TNRC18: variants seen among roughly 807,000 people sequenced by gnomAD.
TNRC18 encodes the protein trinucleotide repeat containing 18, also known as trinucleotide repeat-containing gene 18 protein.
In TNRC18, 69 loss-of-function variants were observed where a neutral mutation model predicts 226.7. The ratio of observed to expected loss-of-function variants is 0.30; its 90% CI spans 0.25 to 0.37. The LOEUF (loss-of-function observed/expected upper bound fraction) is 0.37, where lower values mean the gene tolerates loss of function less well. Among genes scored for constraint, TNRC18 ranks in the 10% least tolerant of loss-of-function variants. The probability of loss-of-function intolerance (pLI) is 1.00; values close to 1 mark genes in which losing one functional copy is unlikely to be tolerated. For missense variants in TNRC18, 4,754 were observed against 4,256.6 expected (o/e 1.12, Z -3.25); for synonymous variants, 2,449 against 1,927.6 (o/e 1.27, Z -7.09).
intron 11 of TNRC18, among the ~76,000 whole-genome samples, chr7:5,363,505 G>A (rs1793290214): frequency 6.6e-6 from 1 of 152,114 alleles, no homozygotes; most frequent in Non-Finnish European, 1.5e-5. Context: ...TCGGGAGGCT[G>A]AAGCAGGAGA....
At chr7:5,408,286 A>G (rs1781611123) in intron 2 of TNRC18, among the ~76,000 whole-genome samples, 1 of 145,320 alleles carries the variant, frequency 6.9e-6, no homozygotes, top group African/African-American at 2.6e-5. Flanking sequence ...CGACAGAACA[A>G]GACTTCCGTC....
intron 2 of TNRC18, among the ~76,000 whole-genome samples, chr7:5,413,715 A>C (rs892365549): frequency 1.3e-5 from 2 of 152,078 alleles, no homozygotes; most frequent in Non-Finnish European, 2.9e-5. Flanking sequence ...AACATTTTGT[A>C]AAGACAAGGT....
Position 5,355,414 on chromosome 7 carries a change from TC to T in TNRC18, c.5194+1501del. Among the ~76,000 whole-genome samples the T allele has an allele frequency of 1.3e-5, 2 of 151,922 alleles. 1 individual carries two copies. The highest frequency in any genetic ancestry group is 4.2e-4 in the South Asian group (2 of 4,804). ...AGGCTGAGGCAGGAGGATCTCTTGATCCCAGGAGTTTAAGACCAGCATGGGC... is the reference window on the plus strand; with the variant it reads ...AGGCTGAGGCAGGAGGATCTCTTGATCCAGGAGTTTAAGACCAGCATGGGC... On this transcript the variant is annotated intron_variant, in intron 16 of 29. Coordinates refer to ENST00000430969, the MANE Select transcript of TNRC18 (RefSeq NM_001080495.3).
In TNRC18 at chr7:5,370,909, G is replaced by A. The variant is rs773129880; in HGVS notation, c.3685C>T (p.Arg1229Trp). ...CPDFVEGPEP[R>W]VDSPGRTEPC... ...TCTGTCCGGCCCGGGGAATCCACCC[G>A]TGGTTCAGGCCCCTCCACAAAGTCT... The change falls in exon 11 of 30, where the codon CGG (arginine) becomes TGG (tryptophan). Residue 1229 changes from arginine (R) to tryptophan (W), a missense_variant. Arg to Trp is a moderately radical substitution (Grantham distance 101). Coordinates refer to ENST00000430969, the MANE Select transcript of TNRC18 (RefSeq NM_001080495.3). 29 of 1,605,668 alleles carry A rather than the reference G, an allele frequency of 1.8e-5. No individual in the cohort carries two copies. Among genetic ancestry groups the A allele is most frequent in the Admixed American group, 1.3e-4 (8 of 59,994 alleles).
intron 2 of TNRC18, among the ~76,000 whole-genome samples, chr7:5,416,597 T>G (rs1026535877): frequency 3.0e-4 from 45 of 151,444 alleles, no homozygotes; most frequent in Non-Finnish European, 5.4e-4. Flanking sequence ...GGCTCATGCC[T>G]GTAATCCCAG....
At chr7:5,357,340 C>T in intron 15 of TNRC18, 64 bp from the exon 16 acceptor site, 1 of 1,505,888 alleles carries the variant, frequency 6.6e-7, no homozygotes, top group Non-Finnish European at 8.9e-7. Context: ...GGTTTCAGTG[C>T]ACATGCTCTG....
chr7:5,421,116 G>A lies in TNRC18; in HGVS notation c.131C>T (p.Pro44Leu). ...GTACTTCCCGGGCGGCAGCGGGCCG[G>A]GCAAGCCCGAGGCGGGCAAGCGTCC... ...TAGRLPASGL[P>L]GPLPPGKYMA... Residue 44 changes from proline (P) to leucine (L), a missense_variant, in exon 2 of 30, where the codon CCC becomes CTC. Physicochemically the swap from Pro to Leu is moderately conservative, Grantham distance 98 (BLOSUM62 -3). Transcript: ENST00000430969. The A allele has an allele frequency of 4.8e-6, 7 of 1,467,352 alleles. No individual in the cohort carries two copies. The highest frequency in any genetic ancestry group is 6.4e-6 in the Non-Finnish European group (7 of 1,101,608). 90.9% of individuals were successfully genotyped at this position (1,467,352 alleles called of 1,614,324 possible).
chr7:5,352,988 T>C (rs1249039895), intron 16 of TNRC18, among the ~76,000 whole-genome samples: 3 of 152,106 alleles, frequency 2.0e-5, no homozygotes, highest in Non-Finnish European at 4.4e-5. Context: ...AGAAACCACA[T>C]GCACGCATCC....
chr7:5,366,316 A>ATT (rs1793615937), intron 11 of TNRC18, among the ~76,000 whole-genome samples: 1 of 53,686 alleles, frequency 1.9e-5, no homozygotes, highest in Non-Finnish European at 3.4e-5. Flanking sequence ...CTCTTCTTAT[A>ATT]TCTTTTTTTT....
rs1794060849 is a variant in TNRC18, at chr7:5,370,706, A to G, written c.3888T>C (p.Cys1296=). 1.2e-6 allele frequency: 2 copies of G among 1,609,846 alleles called. No individual in the cohort carries two copies. Among genetic ancestry groups the G allele is most frequent in the Non-Finnish European group, 1.7e-6 (2 of 1,178,702 alleles). ...ESQPTLEMSD[C]DVPAGEGQCP... is the part of the protein sequence containing the mutation. ...ACTGTCCCTCCCCGGCGGGCACGTC[A>G]CAGTCTGACATTTCTAGGGTGGGCT... is the stretch of plus-strand genomic sequence containing the variant. Residue 1296 remains cysteine (C), a synonymous_variant, in exon 11 of 30, where the codon TGT becomes TGC. Transcript: ENST00000430969.
In TNRC18 at chr7:5,368,085, G is replaced by A. The variant is rs985323096; in HGVS notation, c.4219+2290C>T. 5.9e-5 allele frequency among the ~76,000 whole-genome samples: 9 copies of A among 151,398 alleles called. No homozygotes were observed. The South Asian group carries it at 1.9e-3, about 32-fold the overall frequency. On this transcript the variant is annotated intron_variant, in intron 11 of 29. Transcript: ENST00000430969. ...AAAACAACTTTGTTTTAAAGCAGAC[G>A]AAAATGCCTGACCATCTAAGACTGG...
At chr7:5,408,415 C>T (rs908621488) in intron 2 of TNRC18, among the ~76,000 whole-genome samples, 11 of 151,936 alleles carry the variant, frequency 7.2e-5, no homozygotes, top group African/African-American at 1.9e-4. Context: ...AGGGAGCCCA[C>T]GGCGGGTAGA....
intron 29 of TNRC18, 77 bp from the exon 30 acceptor site, chr7:5,308,389 A>T (rs567122441): frequency 2.1e-5 from 29 of 1,399,572 alleles, no homozygotes; most frequent in Admixed American, 1.4e-4. Context: ...CCACAGGGAC[A>T]GAGACAGAAG....
chr7:5,370,266 T>C, intron 11 of TNRC18, 109 bp downstream of exon 11: 4 of 1,302,512 alleles, frequency 3.1e-6, no homozygotes, highest in Non-Finnish European at 2.1e-6. Flanking sequence ...GAGGCTGCAG[T>C]GAGCTAAGAT....
intron 2 of TNRC18, chr7:5,420,285 T>C (rs1245451161): frequency 2.3e-6 from 1 of 426,278 alleles, no homozygotes; most frequent in Non-Finnish European, 4.7e-6. Flanking sequence ...CCCAGGGTTT[T>C]CCCCTCCGCC....
At chr7:5,368,197 G>A (rs1010256044) in intron 11 of TNRC18, among the ~76,000 whole-genome samples, 1 of 152,132 alleles carries the variant, frequency 6.6e-6, no homozygotes. Flanking sequence ...TTTAAGCCGG[G>A]TGCTCACGCT....
At chr7:5,328,531 CAG>C (rs1789179309) in intron 19 of TNRC18, among the ~76,000 whole-genome samples, 2 of 146,972 alleles carry the variant, frequency 1.4e-5, no homozygotes, top group South Asian at 2.2e-4. Context: ...TTTTTTGAGA[CAG>C]AGTCTCGCTC....
chr7:5,374,983 C>G (rs962589207), intron 9 of TNRC18, among the ~76,000 whole-genome samples: 1 of 152,196 alleles, frequency 6.6e-6, no homozygotes, highest in Non-Finnish European at 1.5e-5. Context: ...TCGGCGACCA[C>G]CAATGCCTAC....
intron 2 of TNRC18, among the ~76,000 whole-genome samples, chr7:5,398,188 A>G (rs1780829744): frequency 6.8e-6 from 1 of 146,860 alleles, no homozygotes; most frequent in Non-Finnish European, 1.5e-5. Context: ...TTTTTTTTTG[A>G]GATGGGAGTT....
Sources: allele counts gnomAD v4.1 joint callset (sites outside exome capture counted in the v4.1 genomes callset), GRCh38; gene constraint gnomAD v4.1.1; transcripts MANE v1.5; gene names NCBI Gene and HGNC (gene_info 2026-07-23, HGNC 2026-07-21).